The following SLC66A3 variants were observed in gnomAD, a reference collection of about 807,000 sequenced individuals.
SLC66A3 encodes PQ loop repeat containing 3.
A neutral mutation model predicts 25.5 loss-of-function variants in SLC66A3; 23 were observed. The ratio of observed to expected loss-of-function variants is 0.90; its 90% CI spans 0.65 to 1.28. The LOEUF (loss-of-function observed/expected upper bound fraction) is 1.28. SLC66A3 is among the 50% of genes most tolerant of loss of function. SLC66A3 has a pLI of 0.00. For missense variants in SLC66A3, 246 were observed against 262.1 expected (o/e 0.94, Z 0.42); for synonymous variants, 108 against 112.6 (o/e 0.96, Z 0.26).
intron 5 of SLC66A3, among the ~76,000 whole-genome samples, chr2:11,173,820 T>G (rs1260559632): frequency 6.6e-6 from 1 of 152,204 alleles, no homozygotes; most frequent in Non-Finnish European, 1.5e-5. Context: ...AAATGTTTAC[T>G]AAGTAAAGGG....
intron 4 of SLC66A3, among the ~76,000 whole-genome samples, chr2:11,170,411 G>A (rs902142450): frequency 4.6e-5 from 7 of 152,128 alleles, no homozygotes; most frequent in African/African-American, 1.4e-4. Flanking sequence ...GTGCAGAGCA[G>A]CAGGCTTATT....
intron 4 of SLC66A3, among the ~76,000 whole-genome samples, chr2:11,165,494 G>A (rs1472431824): frequency 1.3e-5 from 2 of 150,652 alleles, no homozygotes; most frequent in Non-Finnish European, 3.0e-5. Flanking sequence ...CATCTCAGAC[G>A]ATGGGCGACC....
chr2:11,155,871 G>A (rs1307048013), intron 1 of SLC66A3, among the ~76,000 whole-genome samples, 182 bp downstream of exon 1: 1 of 152,176 alleles, frequency 6.6e-6, no homozygotes, highest in Non-Finnish European at 1.5e-5. Flanking sequence ...ACGGCCACCC[G>A]CCACCCGCGT....
At chr2:11,161,703 T>A (rs1361215710) in intron 3 of SLC66A3, among the ~76,000 whole-genome samples, 1 of 152,156 alleles carries the variant, frequency 6.6e-6, no homozygotes, top group Non-Finnish European at 1.5e-5. Context: ...ACATTTTTTT[T>A]AGAGATTGGG....
At chr2:11,174,882 G>A in intron 5 of SLC66A3, 86 bp from the exon 6 acceptor site, 1 of 787,338 alleles carries the variant, frequency 1.3e-6, no homozygotes, top group South Asian at 1.7e-5. Flanking sequence ...ATATATATTG[G>A]GATATTAAAA....
At chr2:11,161,794 T>C (rs1374923408) in intron 3 of SLC66A3, among the ~76,000 whole-genome samples, 3 of 152,250 alleles carry the variant, frequency 2.0e-5, no homozygotes, top group Non-Finnish European at 4.4e-5. Context: ...GTGCTGGGAT[T>C]ACAGGCATGA....
In SLC66A3 at chr2:11,155,661, C is replaced by A; in HGVS notation, c.115C>A (p.Leu39Ile). ...LAARSARGLSLPSLLLELAGF... is the reference protein window; with the variant it reads ...LAARSARGLSIPSLLLELAGF... ...GGCGCGCAGCGCGCGGGGCCTCAGC[C>A]TTCCGAGTTTACTTCTGGAGCTGGC... is the stretch of plus-strand genomic sequence containing the variant. Residue 39 changes from leucine to isoleucine, a missense_variant, in exon 1 of 7, where the codon CTT becomes ATT. Transcript: ENST00000295083. 1 of 1,473,298 alleles carries A rather than the reference C, an allele frequency of 6.8e-7. No homozygotes were observed. The highest frequency in any genetic ancestry group is 1.3e-5 in the South Asian group (1 of 75,664). The allele number at this position is 1,473,298 out of a possible 1,614,324, so 91.3% of individuals were successfully genotyped here.
chr2:11,155,615 G>A lies in SLC66A3; in HGVS notation c.69G>A (p.Pro23=), dbSNP rs1486706839. 2 of 1,527,040 alleles carry A rather than the reference G, an allele frequency of 1.3e-6. No homozygotes were observed. Among genetic ancestry groups the A allele is most frequent in the African/African-American group, 1.4e-5 (1 of 70,228 alleles). 94.6% of individuals were successfully genotyped at this position (1,527,040 alleles called of 1,614,324 possible). A position where few individuals can be genotyped will look rare whatever the true frequency, so the allele number is the denominator to read the frequency against. The change falls in exon 1 of 7, where the codon CCG becomes CCA. Residue 23 remains proline (P), a synonymous_variant. Coordinates refer to ENST00000295083, the MANE Select transcript of SLC66A3 (RefSeq NM_152391.5). ...GCGTGTGCGCCGCGCTGAAGCTGCC[G>A]CAGATCTCCGCTGTGCTAGCGGCGC... The part of the protein sequence containing the change: ...TLGVCAALKL[P]QISAVLAARS...
At position 11,171,971 on chromosome 2, in the gene SLC66A3, AGTGT is replaced by A; in HGVS notation, c.402_405del (p.Gln134HisfsTer11). ...GCGGCCAGTAAGTTTGCACAGCTCC[AGTGT>A]CTGTGGAAGACGAGAGACTCAGGAA... On this transcript the variant is annotated frameshift_variant, in exon 5 of 7. Transcript: ENST00000295083. LOFTEE classifies it high-confidence loss of function. 6.2e-7 allele frequency: 1 copy of A among 1,613,948 alleles called. No individual in the cohort carries two copies. The highest frequency in any genetic ancestry group is 8.5e-7 in the Non-Finnish European group (1 of 1,179,832).
chr2:11,170,592 CTTT>C (rs35403631), intron 4 of SLC66A3, among the ~76,000 whole-genome samples: 6 of 144,538 alleles, frequency 4.2e-5, no homozygotes, highest in Non-Finnish European at 6.1e-5. Flanking sequence ...TATCTCAGTA[CTTT>C]TTTTTTTTTT....
At chr2:11,170,165 C>T (rs1662499361) in intron 4 of SLC66A3, among the ~76,000 whole-genome samples, 1 of 152,162 alleles carries the variant, frequency 6.6e-6, no homozygotes, top group Admixed American at 6.5e-5. Flanking sequence ...ATCCCATTAC[C>T]ACTCCCTCAG....
intron 4 of SLC66A3, among the ~76,000 whole-genome samples, chr2:11,170,462 C>T (rs968154012): frequency 2.7e-4 from 41 of 152,118 alleles, no homozygotes; most frequent in African/African-American, 8.9e-4. Flanking sequence ...GAGGCCTGAG[C>T]GCACCACCAC....
In SLC66A3 at chr2:11,155,682, C is replaced by T. The variant is rs1451974927; in HGVS notation, c.136C>T (p.Leu46=). ...GLSLPSLLLE[L]AGFLVFLRYQ... ...CAGCCTTCCGAGTTTACTTCTGGAG[C>T]TGGCAGGGTAAGGCCCGGGGCGGCC... Residue 46 remains leucine, a synonymous_variant, in exon 1 of 7, where the codon CTG becomes TTG. Coordinates refer to ENST00000295083, the MANE Select transcript of SLC66A3 (RefSeq NM_152391.5). 5 of 1,444,322 alleles carry T rather than the reference C, an allele frequency of 3.5e-6. No individual in the cohort carries two copies. The highest frequency in any genetic ancestry group is 4.5e-6 in the Non-Finnish European group (5 of 1,103,106). 89.5% of individuals were successfully genotyped at this position (1,444,322 alleles called of 1,614,324 possible).
chr2:11,159,876 C>A (rs1294343636), intron 1 of SLC66A3, among the ~76,000 whole-genome samples: 1 of 152,216 alleles, frequency 6.6e-6, no homozygotes, highest in Non-Finnish European at 1.5e-5. Flanking sequence ...CCGGAGTCTT[C>A]TTAGCGAAAT....
intron 1 of SLC66A3, among the ~76,000 whole-genome samples, chr2:11,156,493 G>A (rs1046644204): frequency 2.0e-5 from 3 of 152,166 alleles, no homozygotes; most frequent in Non-Finnish European, 2.9e-5. Context: ...CACCCAGTGG[G>A]GTCTGAAGCC....
chr2:11,157,270 T>C (rs1326916563), intron 1 of SLC66A3, among the ~76,000 whole-genome samples: 1 of 152,218 alleles, frequency 6.6e-6, no homozygotes, highest in African/African-American at 2.4e-5. Context: ...AGCTCAAGGG[T>C]TGGGTGGGGC....
chr2:11,177,130 A>T (rs1662782630), intron 6 of SLC66A3, among the ~76,000 whole-genome samples: 1 of 152,184 alleles, frequency 6.6e-6, no homozygotes, highest in African/African-American at 2.4e-5. Flanking sequence ...CAGCACCCTC[A>T]GGACGTCAGA....
rs376179311 is a variant in SLC66A3 at position 11,164,317 on chromosome 2, TGATA to T, written c.354+61_354+64del. 620 of 489,282 alleles carry T rather than the reference TGATA, an allele frequency of 1.3e-3. 8 individuals are homozygous for T. In the African/African-American group the frequency reaches 0.013, roughly 10 times the overall value. The allele number at this position is 489,282 out of a possible 1,614,324, so 30.3% of individuals were successfully genotyped here. ...GGAATAAGCTACCTTGGAGAGAACT[TGATA>T]GATATTTATATATATATATATATAT... On this transcript the variant is annotated intron_variant, in intron 4 of 6. Transcript: ENST00000295083.
At chr2:11,174,825 TA>T (rs1041270717) in intron 5 of SLC66A3, 142 bp from the exon 6 acceptor site, 19 of 498,804 alleles carry the variant, frequency 3.8e-5, no homozygotes, top group African/African-American at 3.2e-4. Context: ...GAATAGTTAA[TA>T]TATGTTGTTA....
Sources: gnomAD v4.1 joint callset for allele counts (sites outside exome capture counted in the v4.1 genomes callset) on GRCh38, gnomAD v4.1.1 for gene constraint, MANE v1.5 for transcripts, NCBI Gene and HGNC (gene_info 2026-07-23, HGNC 2026-07-21) for gene names.